Variants in DYNC2I1 observed in about 807,000 individuals in gnomAD.
The protein encoded by DYNC2I1 is cytoplasmic dynein 2 intermediate chain 1.
DYNC2I1 carries 89 observed loss-of-function variants against 133.4 expected under a neutral mutation model. The ratio of observed to expected loss-of-function variants is 0.67; its 90% CI spans 0.56 to 0.80. The LOEUF is 0.80. Ranked by LOEUF, DYNC2I1 falls within the 30% of genes least tolerant of loss-of-function variation. DYNC2I1 has a pLI of 0.00. For missense variants in DYNC2I1, 1,291 were observed against 1,314.5 expected (o/e 0.98, Z 0.28); for synonymous variants, 504 against 484.3 (o/e 1.04, Z -0.54).
At chr7:158,845,710 T>C in the DYNC2I1 span, among the ~76,000 whole-genome samples, 1 of 152,224 alleles carries the variant, frequency 6.6e-6, no homozygotes, top group Admixed American at 6.5e-5. Flanking sequence ...GAAATAACTT[T>C]AAATGATGAC....
chr7:158,866,735 CTT>C (rs752892249), intron 1 of DYNC2I1, among the ~76,000 whole-genome samples: 81 of 151,342 alleles, frequency 5.4e-4, no homozygotes, highest in Non-Finnish European at 1.0e-3. Flanking sequence ...AATTACGAAA[CTT>C]AGCCGGGCGT....
intron 17 of DYNC2I1, among the ~76,000 whole-genome samples, chr7:158,925,448 T>C (rs1164161524): frequency 6.6e-6 from 1 of 152,222 alleles, no homozygotes; most frequent in Non-Finnish European, 1.5e-5. Context: ...GAGTTTTGTG[T>C]CTTCTGCCTT....
intron 6 of DYNC2I1, 116 bp downstream of exon 6, chr7:158,884,735 T>C (rs2129480054): frequency 2.0e-6 from 2 of 989,872 alleles, no homozygotes; most frequent in Middle Eastern, 2.2e-4. Flanking sequence ...GTTATAGATA[T>C]ACTTCATTTT....
Position 158,912,975 on chromosome 7 carries a change from T to C in DYNC2I1, c.1591-10T>C, listed in dbSNP as rs765371881. 7 of 1,586,892 alleles carry C rather than the reference T, an allele frequency of 4.4e-6. No individual in the cohort carries two copies. In the African/African-American group the frequency reaches 6.8e-5, roughly 15 times the overall value. On this transcript the variant is annotated splice_polypyrimidine_tract_variant and intron_variant, in intron 12 of 24. Transcript: ENST00000407559. ...ACCAATGTTAATTTTGGCATATTTT[T>C]GTTTTTAAGGCATATGTTCAGTGTA...
chr7:158,869,881 AG>A lies in DYNC2I1; in HGVS notation c.43del (p.Ala15GlnfsTer90), dbSNP rs2129477312. ...GAAGAACCAAAGATGATACCTGGAA[AG>A]CAGATGACCTCAGAAAACATCTCTG... Reference protein sequence around the residue: ...KRRTKDDTWKADDLRKHLWAI... With the variant: ...KRRTKDDTWKXDDLRKHLWAI... On this transcript the variant is annotated frameshift_variant, in exon 2 of 25. Transcript: ENST00000407559. LOFTEE classifies it high-confidence loss of function. 6.2e-7 allele frequency: 1 copy of A among 1,613,596 alleles called. No individual in the cohort carries two copies. The highest frequency in any genetic ancestry group is 1.1e-5 in the South Asian group (1 of 91,044).
chr7:158,925,715 T>G (rs1249225854), intron 17 of DYNC2I1, among the ~76,000 whole-genome samples: 1 of 152,150 alleles, frequency 6.6e-6, no homozygotes, highest in African/African-American at 2.4e-5. Flanking sequence ...TGGATTTTGC[T>G]CTTGCTGGCA....
At chr7:158,889,861 CGG>C (rs1845018205) in intron 7 of DYNC2I1, among the ~76,000 whole-genome samples, 1 of 151,714 alleles carries the variant, frequency 6.6e-6, no homozygotes, top group Non-Finnish European at 1.5e-5. Flanking sequence ...AAAAATTAGC[CGG>C]GTGTGGTGGT....
upstream of DYNC2I1, among the ~76,000 whole-genome samples, chr7:158,855,526 A>C (rs1841171779): frequency 6.6e-6 from 1 of 152,224 alleles, no homozygotes; most frequent in African/African-American, 2.4e-5. Flanking sequence ...TCAGTCCTAC[A>C]AAGGCAATCA....
intron 11 of DYNC2I1, 149 bp from the exon 12 acceptor site, chr7:158,911,401 G>C: frequency 1.2e-6 from 1 of 800,944 alleles, no homozygotes. Flanking sequence ...ATTTTTAACA[G>C]CTGTTAAATA....
At chr7:158,938,076 TC>T (rs1585238481) in intron 23 of DYNC2I1, among the ~76,000 whole-genome samples, 1 of 152,134 alleles carries the variant, frequency 6.6e-6, no homozygotes, top group Non-Finnish European at 1.5e-5. Context: ...CAGAAAACTT[TC>T]CAAAACTTCA....
At chr7:158,953,028 G>T (rs767383322) in intron 4 of DYNC2I1, among the ~76,000 whole-genome samples, 10 of 152,182 alleles carry the variant, frequency 6.6e-5, no homozygotes, top group Non-Finnish European at 1.3e-4. Flanking sequence ...AGCCCAGGTG[G>T]CATCCGCACC....
At position 158,927,018 on chromosome 7, in the gene DYNC2I1, C is replaced by T; in HGVS notation, c.2460C>T (p.Asp820=). ...VWVVVELPKA[D]IAGSISDLGL... ...TGGTTGTTGAATTACCAAAGGCAGA[C>T]ATCGCAGGTTCAATAAGTGATTTAG... Residue 820 remains aspartate (D), a synonymous_variant, in exon 20 of 25, where the codon GAC becomes GAT. Coordinates refer to ENST00000407559, the MANE Select transcript of DYNC2I1 (RefSeq NM_018051.5). The T allele has an allele frequency of 6.2e-7, 1 of 1,604,276 alleles. No homozygotes were observed.
chr7:158,906,756 C>A (rs925198861), intron 11 of DYNC2I1, among the ~76,000 whole-genome samples: 3 of 152,022 alleles, frequency 2.0e-5, no homozygotes, highest in Non-Finnish European at 4.4e-5. Flanking sequence ...GCATGCCTGG[C>A]CAAAAAATAA....
At chr7:158,876,757 T>C in intron 4 of DYNC2I1, 66 bp downstream of exon 4, 1 of 1,474,834 alleles carries the variant, frequency 6.8e-7, no homozygotes, top group South Asian at 1.4e-5. Context: ...TTTTAAGCAT[T>C]ATTGTTGGAA....
chr7:158,936,760 A>C (rs1034688514), intron 23 of DYNC2I1, among the ~76,000 whole-genome samples: 3 of 152,222 alleles, frequency 2.0e-5, no homozygotes, highest in Non-Finnish European at 4.4e-5. Flanking sequence ...ACCCTGACAC[A>C]GGCAGGGAGA....
intron 13 of DYNC2I1, 55 bp from the exon 14 acceptor site, chr7:158,914,178 T>C: frequency 1.4e-6 from 2 of 1,433,706 alleles, no homozygotes; most frequent in Non-Finnish European, 1.9e-6. Flanking sequence ...AGATGTGTAA[T>C]GCATGATTAT....
chr7:158,869,338 C>T (rs1842677279), intron 1 of DYNC2I1: 1 of 410,754 alleles, frequency 2.4e-6, no homozygotes, highest in African/African-American at 2.1e-5. Context: ...AGGGCTGCTT[C>T]TCTTCCTCAC....
chr7:158,858,688 C>T (rs996497690), intron 1 of DYNC2I1, among the ~76,000 whole-genome samples: 14 of 152,098 alleles, frequency 9.2e-5, no homozygotes, highest in African/African-American at 3.4e-4. Context: ...TAGACATGCA[C>T]AGAGCTATGA....
intron 1 of DYNC2I1, among the ~76,000 whole-genome samples, chr7:158,860,714 G>A (rs1027744265): frequency 1.1e-4 from 16 of 152,222 alleles, no homozygotes; most frequent in Non-Finnish European, 1.9e-4. Context: ...TGAGTTTATT[G>A]TTATGAAATT....
Sources: gnomAD v4.1 joint callset for allele counts (sites outside exome capture counted in the v4.1 genomes callset) on GRCh38, gnomAD v4.1.1 for gene constraint, MANE v1.5 for transcripts, NCBI Gene and HGNC (gene_info 2026-07-23, HGNC 2026-07-21) for gene names.